KCNJ8: variants seen among roughly 807,000 people sequenced by gnomAD.
KCNJ8 encodes the protein potassium inwardly rectifying channel subfamily J member 8.
KCNJ8 carries 13 observed loss-of-function variants against 28.2 expected under a neutral mutation model. The observed-to-expected ratio is 0.46, with a 90% CI of 0.30 to 0.73. KCNJ8 has a LOEUF of 0.73. KCNJ8 is among the 30% of genes least tolerant of loss of function. The pLI is 0.07. For missense variants in KCNJ8, 284 were observed against 542.6 expected (o/e 0.52, Z 4.73); for synonymous variants, 188 against 195.9 (o/e 0.96, Z 0.34).
intron 2 of KCNJ8, among the ~76,000 whole-genome samples, chr12:21,767,058 A>G (rs1264585815): frequency 1.3e-5 from 2 of 152,162 alleles, no homozygotes; most frequent in Non-Finnish European, 2.9e-5. Context: ...TTGCGTATCT[A>G]TGTTTAGGAG....
chr12:21,767,311 C>A lies in KCNJ8; in HGVS notation c.375-688G>T, dbSNP rs1001049525. Among the ~76,000 whole-genome samples, 19 of 90,896 alleles carry A rather than the reference C, an allele frequency of 2.1e-4. No individual in the cohort carries two copies. In the South Asian group the frequency reaches 6.2e-3, roughly 30 times the overall value. 59.6% of individuals were successfully genotyped at this position (90,896 alleles called of 152,430 possible). A position where few individuals can be genotyped will look rare whatever the true frequency, so the allele number is the denominator to read the frequency against. On this transcript the variant is annotated intron_variant, in intron 2 of 2. Coordinates refer to ENST00000240662, the MANE Select transcript of KCNJ8 (RefSeq NM_004982.4). Reference sequence around the variant, plus strand: ...TTTGTTAAGTCAGGGGTCCCCAACCCCCCCCCCCCCCACCTCCAGGCCAGG... The same window carrying A: ...TTTGTTAAGTCAGGGGTCCCCAACCACCCCCCCCCCCACCTCCAGGCCAGG...
intron 2 of KCNJ8, among the ~76,000 whole-genome samples, chr12:21,767,316 C>A (rs988357434): frequency 4.9e-5 from 6 of 122,976 alleles, no homozygotes; most frequent in East Asian, 2.4e-4. Flanking sequence ...CAACCCCCCC[C>A]CCCCCCACCT....
intron 2 of KCNJ8, among the ~76,000 whole-genome samples, chr12:21,767,612 G>A (rs898083856): frequency 2.6e-5 from 4 of 152,088 alleles, no homozygotes; most frequent in East Asian, 1.9e-4. Flanking sequence ...TTGGCGTTCC[G>A]CAAAACCAGT....
At chr12:21,772,720 A>T (rs1940791365) in intron 2 of KCNJ8, among the ~76,000 whole-genome samples, 1 of 152,172 alleles carries the variant, frequency 6.6e-6, no homozygotes, top group African/African-American at 2.4e-5. Flanking sequence ...TAAAGAAGGG[A>T]TGATATTTAT....
At chr12:21,770,847 G>A (rs1316663683) in intron 2 of KCNJ8, among the ~76,000 whole-genome samples, 6 of 152,154 alleles carry the variant, frequency 3.9e-5, no homozygotes, top group African/African-American at 1.4e-4. Context: ...CTACACATTA[G>A]CAATCTCTCA....
chr12:21,767,308 A>ACC (rs757720164), intron 2 of KCNJ8, among the ~76,000 whole-genome samples: 20 of 53,726 alleles, frequency 3.7e-4, no homozygotes, highest in South Asian at 8.4e-4. Context: ...GGGGTCCCCA[A>ACC]CCCCCCCCCC....
chr12:21,766,398 G>A lies in KCNJ8; in HGVS notation c.600C>T (p.Ala200=), dbSNP rs755870233. Reference sequence around the variant, plus strand: ...TGAAGCACAGCTTGCCATTTCGGACGGCAATCACAGCATGGCGGCTGAAAA... The same window carrying A: ...TGAAGCACAGCTTGCCATTTCGGACAGCAATCACAGCATGGCGGCTGAAAA... ...TLIFSRHAVI[A]VRNGKLCFMF... is the part of the protein sequence containing the mutation. The change falls in exon 3 of 3, where the codon GCC becomes GCT. Residue 200 remains alanine (A), a synonymous_variant. Transcript: ENST00000240662. The surrounding 1 kb of genome is among the most constrained non-coding windows in gnomAD (Gnocchi z 6.5). The A allele has an allele frequency of 2.4e-5, 38 of 1,613,990 alleles. No individual in the cohort carries two copies. The highest frequency in any genetic ancestry group is 8.0e-5 in the African/African-American group (6 of 74,892).
At chr12:21,769,564 G>A (rs1219525122) in intron 2 of KCNJ8, among the ~76,000 whole-genome samples, 2 of 152,142 alleles carry the variant, frequency 1.3e-5, no homozygotes, top group Non-Finnish European at 2.9e-5. Context: ...GACATAGATA[G>A]TGAGTCCTGT....
rs770763433 is a variant in KCNJ8, at chr12:21,765,966, G to A, written c.1032C>T (p.Asn344=). The A allele has an allele frequency of 5.0e-6, 8 of 1,614,218 alleles. No individual in the cohort carries two copies. The South Asian group carries it at 7.7e-5, about 16-fold the overall frequency. The part of the protein sequence containing the change: ...VYSVDYSKFG[N]TVKVAAPRCS... The stretch of plus-strand genomic sequence containing the variant: ...ACCGTGGAGCAGCTACTTTAACAGT[G>A]TTGCCAAATTTGGAGTAATCCACAG... Residue 344 remains asparagine, a synonymous_variant, in exon 3 of 3, where the codon AAC becomes AAT. Transcript: ENST00000240662.
At chr12:21,768,589 A>C (rs889685883) in intron 2 of KCNJ8, among the ~76,000 whole-genome samples, 6 of 152,256 alleles carry the variant, frequency 3.9e-5, no homozygotes, top group Non-Finnish European at 5.9e-5. Context: ...GGCAAGTCAA[A>C]AGCCACGATA....
At chr12:21,772,425 C>T (rs1940784618) in intron 2 of KCNJ8, among the ~76,000 whole-genome samples, 1 of 151,912 alleles carries the variant, frequency 6.6e-6, no homozygotes, top group African/African-American at 2.4e-5. Flanking sequence ...GTTCTTAAAC[C>T]ATGTGAAAGC....
rs76939691 is a variant in KCNJ8, at chr12:21,768,596, G to A, written c.375-1973C>T. 4.2e-3 allele frequency among the ~76,000 whole-genome samples: 635 copies of A among 152,304 alleles called. 1 individual carries two copies. The highest frequency in any genetic ancestry group is 7.0e-3 in the Non-Finnish European group (476 of 68,010). On this transcript the variant is annotated intron_variant, in intron 2 of 2. Transcript: ENST00000240662. ...GTGAGGAAGGCAAGTCAAAAGCCACGATAGGCCAAAGTTTAGGCCTGTTGT... is the reference window on the plus strand; with the variant it reads ...GTGAGGAAGGCAAGTCAAAAGCCACAATAGGCCAAAGTTTAGGCCTGTTGT...
chr12:21,774,449 T>C (rs993059619), intron 1 of KCNJ8, 97 bp downstream of exon 1: 1 of 150,116 alleles, frequency 6.7e-6, no homozygotes, highest in African/African-American at 2.4e-5. Flanking sequence ...AGTCCATCCA[T>C]CACTGCAAGC....
In KCNJ8 at chr12:21,768,311, G is replaced by T. The variant is rs1162596274; in HGVS notation, c.375-1688C>A. On this transcript the variant is annotated intron_variant, in intron 2 of 2. Coordinates refer to ENST00000240662, the MANE Select transcript of KCNJ8 (RefSeq NM_004982.4). ...GACTAGTACTGGTCTGCAGCCCAAG[G>T]ATTGGGAACCCCTAGTTTGGGGCAC... Among the ~76,000 whole-genome samples the T allele has an allele frequency of 2.0e-5, 3 of 152,170 alleles. No homozygotes were observed. The East Asian group carries it at 5.8e-4, about 29-fold the overall frequency.
rs1267144183 is a variant in KCNJ8 at position 21,773,503 on chromosome 12, G to A, written c.114C>T (p.Ala38=). ...GCGCCAGGTTGCAGGCCCCGCTCTT[G>A]GCGATGAAGCGGGCTTTGGGGAGGC... ...RDRLPKARFI[A]KSGACNLAHK... Residue 38 remains alanine (A), a synonymous_variant, in exon 2 of 3, where the codon GCC becomes GCT. Coordinates refer to ENST00000240662, the MANE Select transcript of KCNJ8 (RefSeq NM_004982.4). The surrounding 1 kb of genome is among the most constrained non-coding windows in gnomAD (Gnocchi z 4.6). The A allele has an allele frequency of 6.2e-7, 1 of 1,614,162 alleles. No homozygotes were observed. Among genetic ancestry groups the A allele is most frequent in the African/African-American group, 1.3e-5 (1 of 74,960 alleles).
chr12:21,766,688 G>T lies in KCNJ8; in HGVS notation c.375-65C>A. 1.5e-6 allele frequency: 2 copies of T among 1,323,146 alleles called. No homozygotes were observed. The highest frequency in any genetic ancestry group is 2.1e-6 in the Non-Finnish European group (2 of 939,848). 82.0% of individuals were successfully genotyped at this position (1,323,146 alleles called of 1,614,324 possible). Reference sequence around the variant, plus strand: ...CATTTTGAATAATGAAATATGCCAAGCTGAGCTTTTCATTTTCTTCCACCA... The same window carrying T: ...CATTTTGAATAATGAAATATGCCAATCTGAGCTTTTCATTTTCTTCCACCA... On this transcript the variant is annotated intron_variant, in intron 2 of 2. Transcript: ENST00000240662. This position sits in a 1 kb window ranked among gnomAD's most constrained non-coding sequence, Gnocchi z 6.5.
In KCNJ8 at chr12:21,771,901, CTGA is replaced by C. The variant is rs557770464; in HGVS notation, c.374+1339_374+1341del. ...TTGTGTTTTCTTTATATCTGGTATA[CTGA>C]TGATCTATGTTTTCCAGCTGCATTT... On this transcript the variant is annotated intron_variant, in intron 2 of 2. Coordinates refer to ENST00000240662, the MANE Select transcript of KCNJ8 (RefSeq NM_004982.4). Among the ~76,000 whole-genome samples, 6 of 152,170 alleles carry C rather than the reference CTGA, an allele frequency of 3.9e-5. No homozygotes were observed. The South Asian group carries it at 1.2e-3, about 32-fold the overall frequency.
chr12:21,765,376 A>C lies in KCNJ8; in HGVS notation c.*347T>G. The C allele has an allele frequency of 5.5e-6, 2 of 365,380 alleles. No homozygotes were observed. The highest frequency in any genetic ancestry group is 5.2e-6 in the Non-Finnish European group (1 of 193,036). 22.6% of individuals were successfully genotyped at this position (365,380 alleles called of 1,614,324 possible). ...GCGATCTGGGTTTCACCAACTAAGC[A>C]TTTCAAACAGACTCATTTCTTGACC... On this transcript the variant is annotated 3_prime_UTR_variant, in exon 3 of 3. Transcript: ENST00000240662.
At position 21,773,908 on chromosome 12, in the gene KCNJ8, C is replaced by T. The variant is rs546113967; in HGVS notation, c.-70-222G>A. On this transcript the variant is annotated intron_variant, in intron 1 of 2. Coordinates refer to ENST00000240662, the MANE Select transcript of KCNJ8 (RefSeq NM_004982.4). The surrounding 1 kb of genome is among the most constrained non-coding windows in gnomAD (Gnocchi z 4.6). ...AAGAACTGTTTCAATTTTTCTTATT[C>T]TGAGTACATATGGACATAGCCTTAG... Among the ~76,000 whole-genome samples the T allele has an allele frequency of 1.3e-5, 2 of 152,172 alleles. No homozygotes were observed. The highest frequency in any genetic ancestry group is 3.9e-4 in the East Asian group (2 of 5,186).
Sources: gnomAD v4.1 joint callset for allele counts (sites outside exome capture counted in the v4.1 genomes callset) on GRCh38, gnomAD v4.1.1 for gene constraint, Gnocchi (gnomAD v3.1) non-coding constraint, MANE v1.5 for transcripts, NCBI Gene and HGNC (gene_info 2026-07-23, HGNC 2026-07-21) for gene names.